Variants in CCNP observed in about 807,000 individuals in gnomAD.
CCNP encodes cyclin P.
A neutral mutation model predicts 19.6 loss-of-function variants in CCNP; 18 were observed. The ratio of observed to expected loss-of-function variants is 0.92; its 90% CI spans 0.64 to 1.36. The LOEUF (loss-of-function observed/expected upper bound fraction) is 1.36. Among genes scored for constraint, CCNP ranks in the 40% most tolerant of loss-of-function variants. The pLI, the probability that CCNP is intolerant of heterozygous loss-of-function variation, is 0.00. For synonymous variants in CCNP, 228 were observed against 194.9 expected (o/e 1.17, Z -1.41); for missense variants, 440 against 424.4 (o/e 1.04, Z -0.32).
In CCNP at chr19:40,222,306, C is replaced by T. The variant is rs1056811802; in HGVS notation, c.*746G>A. On this transcript the variant is annotated 3_prime_UTR_variant, in exon 5 of 5. Coordinates refer to ENST00000430325, the MANE Select transcript of CCNP (RefSeq NM_024877.4). ...ATTTTTTTGTGACTGAGTCCCAGTA[C>T]TCAGGGAGGCTCAGACTGGAGGCGG... The T allele has an allele frequency of 7.5e-6, 3 of 398,860 alleles. No individual in the cohort carries two copies. The highest frequency in any genetic ancestry group is 4.1e-5 in the African/African-American group (2 of 48,616). The allele number at this position is 398,860 out of a possible 1,614,324, so 24.7% of individuals were successfully genotyped here.
chr19:40,222,725 G>A lies in CCNP; in HGVS notation c.*327C>T. The A allele has an allele frequency of 2.5e-6, 1 of 406,372 alleles. No individual in the cohort carries two copies. The highest frequency in any genetic ancestry group is 4.3e-6 in the Non-Finnish European group (1 of 231,384). 25.2% of individuals were successfully genotyped at this position (406,372 alleles called of 1,614,324 possible). ...TCAGAACACTCGAGGAAGCAAGGAGGGGAGCTGAGGATGGGCAGCCATCCT... is the reference window on the plus strand; with the variant it reads ...TCAGAACACTCGAGGAAGCAAGGAGAGGAGCTGAGGATGGGCAGCCATCCT... On this transcript the variant is annotated 3_prime_UTR_variant, in exon 5 of 5. Coordinates refer to ENST00000430325, the MANE Select transcript of CCNP (RefSeq NM_024877.4).
rs1173382815 is a variant in CCNP, at chr19:40,224,610, G to A, written c.391C>T (p.Leu131=). 1 of 1,614,218 alleles carries A rather than the reference G, an allele frequency of 6.2e-7. No individual in the cohort carries two copies. The highest frequency in any genetic ancestry group is 1.7e-5 in the Admixed American group (1 of 60,030). Residue 131 remains leucine, a synonymous_variant, in exon 3 of 5, where the codon CTG becomes TTG. Transcript: ENST00000430325. ...TAGGAATCAAGCAGGTGAACCGCCA[G>A]ATAAAGTGTGTCACCAGCCAGACCC... ...YLGLAGDTLY[L]AVHLLDSYLS...
Position 40,226,593 on chromosome 19 carries a change from T to C in CCNP, c.49A>G (p.Ile17Val). ...DQGSGSRLGP[I>V]VRRWAPRPSP... ...GGCCTGGGGGCCCAGCGCCTAACGA[T>C]AGGCCCGAGCCGGGAGCCGGACCCC... Residue 17 changes from isoleucine to valine, a missense_variant, in exon 1 of 5, where the codon ATC (isoleucine) becomes GTC (valine). By Grantham distance (29) the Ile-to-Val change is conservative. Coordinates refer to ENST00000430325, the MANE Select transcript of CCNP (RefSeq NM_024877.4). 8.9e-6 allele frequency: 14 copies of C among 1,578,444 alleles called. No homozygotes were observed. Among genetic ancestry groups the C allele is most frequent in the Non-Finnish European group, 1.2e-5 (14 of 1,164,084 alleles).
intron 3 of CCNP, among the ~76,000 whole-genome samples, chr19:40,224,165 G>C (rs1973501930): frequency 6.6e-6 from 1 of 152,082 alleles, no homozygotes; most frequent in South Asian, 2.1e-4. Context: ...ATGTTGGTCA[G>C]GCTGGTCTCA....
At position 40,222,686 on chromosome 19, in the gene CCNP, C is replaced by T. The variant is rs547420710; in HGVS notation, c.*366G>A. On this transcript the variant is annotated 3_prime_UTR_variant, in exon 5 of 5. Transcript: ENST00000430325. The stretch of plus-strand genomic sequence containing the variant: ...GACACCCTATTCTTCCTACAGGGCG[C>T]GGCTAGTGCGGAGTCAGAACACTCG... 12 of 401,490 alleles carry T rather than the reference C, an allele frequency of 3.0e-5. No homozygotes were observed. Among genetic ancestry groups the T allele is most frequent in the Admixed American group, 4.3e-5 (1 of 23,054 alleles). The allele number at this position is 401,490 out of a possible 1,614,324, so 24.9% of individuals were successfully genotyped here.
chr19:40,226,500 A>G lies in CCNP; in HGVS notation c.142T>C (p.Phe48Leu). Residue 48 changes from phenylalanine to leucine, a missense_variant, in exon 1 of 5, where the codon TTC (phenylalanine) becomes CTC (leucine). Transcript: ENST00000430325. ...EPSSAAVPDG[F>L]PAGPTVSPRR... is the part of the protein sequence containing the mutation. ...GGGGAGACAGTGGGGCCCGCGGGGA[A>G]GCCGTCGGGGACTGCGGCGCTTGAA... 1 of 1,601,224 alleles carries G rather than the reference A, an allele frequency of 6.2e-7. No homozygotes were observed. The highest frequency in any genetic ancestry group is 8.5e-7 in the Non-Finnish European group (1 of 1,175,152).
rs761279652 is a variant in CCNP at position 40,226,659 on chromosome 19, C to T, written c.-18G>A. On this transcript the variant is annotated 5_prime_UTR_variant, in exon 1 of 5. Coordinates refer to ENST00000430325, the MANE Select transcript of CCNP (RefSeq NM_024877.4). ...ACCAGCATCCTCCAGGAGGGTGTTG[C>T]GGGCGAGGCCAAGCACCGACCCTTG... 4 of 1,545,144 alleles carry T rather than the reference C, an allele frequency of 2.6e-6. No homozygotes were observed. Among genetic ancestry groups the T allele is most frequent in the South Asian group, 1.2e-5 (1 of 81,762 alleles).
chr19:40,224,138 A>G (rs1408774532), intron 3 of CCNP, among the ~76,000 whole-genome samples: 1 of 152,032 alleles, frequency 6.6e-6, no homozygotes, highest in Non-Finnish European at 1.5e-5. Context: ...TATTTTTAGT[A>G]GAGACAGGGT....
At chr19:40,224,695 G>GC (rs1368341067) in intron 2 of CCNP, 27 bp downstream of exon 2, 1 of 1,607,250 alleles carries the variant, frequency 6.2e-7, no homozygotes, top group Non-Finnish European at 8.5e-7. Context: ...CGCAAACTCA[G>GC]CCCCCCACAC....
rs974575129 is a variant in CCNP, at chr19:40,226,528, C to T, written c.114G>A (p.Glu38=). The change falls in exon 1 of 5, where the codon GAG becomes GAA. Residue 38 remains glutamate, a synonymous_variant. Coordinates refer to ENST00000430325, the MANE Select transcript of CCNP (RefSeq NM_024877.4). ...CGTCGGGGACTGCGGCGCTTGAAGG[C>T]TCTGCGTCGAGGGAGGCAGCGAGAC... The part of the protein sequence containing the change: ...LQSLAASLDA[E]PSSAAVPDGF... The T allele has an allele frequency of 2.5e-6, 4 of 1,591,092 alleles. No homozygotes were observed. The highest frequency in any genetic ancestry group is 3.4e-6 in the Non-Finnish European group (4 of 1,170,240).
intron 1 of CCNP, among the ~76,000 whole-genome samples, chr19:40,225,623 C>T (rs79759537): frequency 0.025 from 3,861 of 152,356 alleles, 83 homozygotes; most frequent in Non-Finnish European, 0.037. Flanking sequence ...ACCCCAGGCC[C>T]TTTGCACTTC....
intron 1 of CCNP, among the ~76,000 whole-genome samples, chr19:40,225,747 G>T (rs958514046): frequency 1.3e-5 from 2 of 152,134 alleles, no homozygotes; most frequent in Non-Finnish European, 2.9e-5. Context: ...CTATCTCTTT[G>T]TCTCAGCATT....
intron 3 of CCNP, among the ~76,000 whole-genome samples, chr19:40,223,905 T>C (rs1387860413): frequency 6.6e-6 from 1 of 152,116 alleles, no homozygotes; most frequent in Non-Finnish European, 1.5e-5. Flanking sequence ...GACTAGTTTA[T>C]ATTATTTTTA....
At position 40,223,553 on chromosome 19, in the gene CCNP, A is replaced by T; in HGVS notation, c.514-7T>A. 1 of 1,598,412 alleles carries T rather than the reference A, an allele frequency of 6.3e-7. No homozygotes were observed. The highest frequency in any genetic ancestry group is 1.7e-5 in the Admixed American group (1 of 58,870). On this transcript the variant is annotated splice_polypyrimidine_tract_variant and splice_region_variant and intron_variant, in intron 3 of 4. Coordinates refer to ENST00000430325, the MANE Select transcript of CCNP (RefSeq NM_024877.4). Reference sequence around the variant, plus strand: ...GGAGGCAGAGGAAGGCGGGCTGCAGATGGGGGATGCGGGGGGAGGTGAAGG... The same window carrying T: ...GGAGGCAGAGGAAGGCGGGCTGCAGTTGGGGGATGCGGGGGGAGGTGAAGG...
In CCNP at chr19:40,223,510, A is replaced by G; in HGVS notation, c.550T>C (p.Ser184Pro). 1 of 1,607,598 alleles carries G rather than the reference A, an allele frequency of 6.2e-7. No individual in the cohort carries two copies. The highest frequency in any genetic ancestry group is 2.2e-5 in the East Asian group (1 of 44,746). The part of the protein sequence containing the change: ...FLCLLSADSF[S>P]RAELLRAERR... The stretch of plus-strand genomic sequence containing the variant: ...TCGGCGCGCAGCAGCTCCGCCCGTG[A>G]GAAGGAGTCCGCGCTCAGGAGGCAG... The change falls in exon 4 of 5, where the codon TCA becomes CCA. Residue 184 changes from serine (S) to proline (P), a missense_variant. Ser to Pro is a moderately conservative substitution (Grantham distance 74, BLOSUM62 -1). Coordinates refer to ENST00000430325, the MANE Select transcript of CCNP (RefSeq NM_024877.4).
rs367547266 is a variant in CCNP at position 40,224,557 on chromosome 19, A to T, written c.444T>A (p.His148Gln). The change falls in exon 3 of 5, where the codon CAT becomes CAA. Residue 148 changes from histidine to glutamine, a missense_variant. His to Gln is a conservative substitution (Grantham distance 24). Coordinates refer to ENST00000430325, the MANE Select transcript of CCNP (RefSeq NM_024877.4). ...AAGCCACGCCCAGCAGCTGCAGGCG[A>T]TGTAGACGCACGCGGCCAGCGCTCA... is the stretch of plus-strand genomic sequence containing the variant. Reference protein sequence around the residue: ...SYLSAGRVRLHRLQLLGVACL... With the variant: ...SYLSAGRVRLQRLQLLGVACL... The T allele has an allele frequency of 1.2e-6, 2 of 1,614,106 alleles. No homozygotes were observed. Among genetic ancestry groups the T allele is most frequent in the African/African-American group, 2.7e-5 (2 of 74,936 alleles).
chr19:40,225,250 G>A (rs890190139), intron 1 of CCNP, among the ~76,000 whole-genome samples: 1 of 151,836 alleles, frequency 6.6e-6, no homozygotes, highest in African/African-American at 2.4e-5. Context: ...GTAGAGACGG[G>A]GTTTCACCAT....
At position 40,223,240 on chromosome 19, in the gene CCNP, C is replaced by T. The variant is rs766660484; in HGVS notation, c.736G>A (p.Glu246Lys). Residue 246 changes from glutamate (E) to lysine (K), a missense_variant, in exon 5 of 5, where the codon GAG (glutamate) becomes AAG (lysine). Coordinates refer to ENST00000430325, the MANE Select transcript of CCNP (RefSeq NM_024877.4). Reference sequence around the variant, plus strand: ...GCCGCAGCCGCACGACGACCCGGCTCCCATCCCGCCGCCTCGGCCTCCAGC... The same window carrying T: ...GCCGCAGCCGCACGACGACCCGGCTTCCATCCCGCCGCCTCGGCCTCCAGC... ...SLLEAEAAGW[E>K]PGRRAAAALS... is the part of the protein sequence containing the mutation. The T allele has an allele frequency of 1.1e-4, 176 of 1,546,096 alleles. No homozygotes were observed. Among genetic ancestry groups the T allele is most frequent in the Non-Finnish European group, 1.4e-4 (163 of 1,143,836 alleles).
chr19:40,226,258 C>T (rs1233443616), intron 1 of CCNP, 117 bp downstream of exon 1: 7 of 874,816 alleles, frequency 8.0e-6, no homozygotes, highest in Non-Finnish European at 8.7e-6. Flanking sequence ...GAAGGAACGC[C>T]GGCTGCCAGT....
Sources: gnomAD v4.1 joint callset for allele counts (sites outside exome capture counted in the v4.1 genomes callset) on GRCh38, gnomAD v4.1.1 for gene constraint, MANE v1.5 for transcripts, NCBI Gene and HGNC (gene_info 2026-07-23, HGNC 2026-07-21) for gene names.